TYW1: variants seen among roughly 807,000 people sequenced by gnomAD.
The protein encoded by TYW1 is tRNA-yW synthesizing protein 1 homolog.
TYW1 carries 46 observed loss-of-function variants against 96.2 expected under a neutral mutation model. The ratio of observed to expected loss-of-function variants is 0.48; its 90% CI spans 0.38 to 0.61. The LOEUF (loss-of-function observed/expected upper bound fraction) is 0.61, where lower values mean the gene tolerates loss of function less well. Ranked by LOEUF, TYW1 falls within the 20% of genes least tolerant of loss-of-function variation. The pLI is 0.00. For synonymous variants in TYW1, 274 were observed against 323.0 expected (o/e 0.85, Z 1.63); for missense variants, 684 against 909.6 (o/e 0.75, Z 3.19).
chr7:67,073,826 T>G (rs189684903), intron 10 of TYW1, among the ~76,000 whole-genome samples: 399 of 123,632 alleles, frequency 3.2e-3, no homozygotes, highest in African/African-American at 0.012. Context: ...CTCACGCCCA[T>G]AATCCCAGCA....
At chr7:67,019,495 G>C (rs574973581) in intron 6 of TYW1, among the ~76,000 whole-genome samples, 1 of 149,278 alleles carries the variant, frequency 6.7e-6, no homozygotes, top group Non-Finnish European at 1.5e-5. Context: ...ACCATGCCCA[G>C]ACCGTTTTGT....
In TYW1 at chr7:67,197,186, T is replaced by G. The variant is rs193180158; in HGVS notation, c.1977+1849T>G. 2.0e-5 allele frequency among the ~76,000 whole-genome samples: 3 copies of G among 152,354 alleles called. No individual in the cohort carries two copies. In the East Asian group the frequency reaches 5.8e-4, roughly 29 times the overall value. ...CACAGCACCTGGCTCATAGCATGAT[T>G]CAGTTATTGCTGCTTCAGTTATTTT... On this transcript the variant is annotated intron_variant, in intron 15 of 15. Transcript: ENST00000359626.
chr7:67,046,348 C>T (rs546701428), intron 7 of TYW1, among the ~76,000 whole-genome samples: 7 of 152,152 alleles, frequency 4.6e-5, no homozygotes, highest in South Asian at 2.1e-4. Flanking sequence ...CATCTGTGCT[C>T]GAGTTACCTG....
chr7:67,213,432 A>G (rs1801105121), intron 15 of TYW1, among the ~76,000 whole-genome samples: 1 of 152,138 alleles, frequency 6.6e-6, no homozygotes, highest in Non-Finnish European at 1.5e-5. Flanking sequence ...TTTGGATGCA[A>G]ATTGTTTAGC....
At position 67,014,356 on chromosome 7, in the gene TYW1, T is replaced by C; in HGVS notation, c.376-11T>C. 6.3e-7 allele frequency: 1 copy of C among 1,581,860 alleles called. No homozygotes were observed. Among genetic ancestry groups the C allele is most frequent in the South Asian group, 1.2e-5 (1 of 86,362 alleles). On this transcript the variant is annotated splice_polypyrimidine_tract_variant and intron_variant, in intron 4 of 15. Transcript: ENST00000359626. ...TGTATGTTCCACTGAAACAATTACT[T>C]TCTTGGTTAGGTGACTAGTAAAAAT...
At chr7:67,105,641 G>GC (rs1009215888) in intron 12 of TYW1, among the ~76,000 whole-genome samples, 29 of 152,292 alleles carry the variant, frequency 1.9e-4, no homozygotes, top group African/African-American at 5.8e-4. Context: ...TGTTTCTTCA[G>GC]CCCTGAGGCT....
At chr7:67,006,764 A>C (rs1793608966) in intron 3 of TYW1, among the ~76,000 whole-genome samples, 1 of 151,836 alleles carries the variant, frequency 6.6e-6, no homozygotes, top group Admixed American at 6.6e-5. Context: ...TAGCAATGCA[A>C]GAATGGACTA....
intron 8 of TYW1, among the ~76,000 whole-genome samples, chr7:67,052,135 T>C (rs1425242552): frequency 1.3e-5 from 2 of 152,202 alleles, no homozygotes; most frequent in African/African-American, 4.8e-5. Context: ...AGTTTAGTTT[T>C]CTTCATGTTT....
intron 6 of TYW1, among the ~76,000 whole-genome samples, chr7:67,018,617 G>A (rs1794108833): frequency 6.6e-6 from 1 of 151,902 alleles, no homozygotes; most frequent in African/African-American, 2.4e-5. Context: ...GAGAGAGAGA[G>A]AGGCCTTAGG....
intron 11 of TYW1, among the ~76,000 whole-genome samples, chr7:67,087,261 T>C (rs1174332518): frequency 6.6e-6 from 1 of 152,210 alleles, no homozygotes; most frequent in Non-Finnish European, 1.5e-5. Context: ...CTGGGCCTGT[T>C]GAGGGTCCTG....
At chr7:67,107,222 T>C (rs893177270) in intron 12 of TYW1, among the ~76,000 whole-genome samples, 2 of 152,256 alleles carry the variant, frequency 1.3e-5, no homozygotes, top group Admixed American at 6.5e-5. Flanking sequence ...TGCCTGATTC[T>C]TTTAATAGAA....
chr7:67,090,781 CTCTT>C (rs1015452910), intron 11 of TYW1, among the ~76,000 whole-genome samples: 23 of 152,250 alleles, frequency 1.5e-4, no homozygotes, highest in African/African-American at 4.8e-4. Flanking sequence ...CTCATGTGGA[CTCTT>C]TCTTTCTTCT....
chr7:67,025,366 T>A (rs1229755259), intron 7 of TYW1, among the ~76,000 whole-genome samples: 1 of 148,776 alleles, frequency 6.7e-6, no homozygotes, highest in Admixed American at 6.7e-5. Context: ...GCTGATGAGC[T>A]AAAAAAAAAA....
At chr7:67,235,735 C>CA (rs905785905) in intron 15 of TYW1, among the ~76,000 whole-genome samples, 10 of 150,346 alleles carry the variant, frequency 6.7e-5, no homozygotes, top group South Asian at 2.1e-4. Flanking sequence ...ACTGAAAATA[C>CA]AAAAAAAAAT....
intron 7 of TYW1, among the ~76,000 whole-genome samples, chr7:67,026,696 A>ATTTTTT (rs961673660): frequency 2.1e-5 from 3 of 145,030 alleles, no homozygotes; most frequent in Non-Finnish European, 4.6e-5. Flanking sequence ...AGGTCTGCCT[A>ATTTTTT]TTTTTTTTTT....
At chr7:67,011,661 C>T (rs1793800829) in intron 4 of TYW1, among the ~76,000 whole-genome samples, 2 of 151,966 alleles carry the variant, frequency 1.3e-5, no homozygotes, top group South Asian at 2.1e-4. Flanking sequence ...CACCTGAGGT[C>T]AGGAGTTCGA....
At chr7:67,135,346 C>T (rs1286671078) in intron 13 of TYW1, among the ~76,000 whole-genome samples, 1 of 130,056 alleles carries the variant, frequency 7.7e-6, no homozygotes, top group Non-Finnish European at 1.6e-5. Flanking sequence ...ACTCTGTCAC[C>T]CAGGCTGGAG....
rs1793719610 is a variant in TYW1 at position 67,009,569 on chromosome 7, T to C, written c.274-14T>C. On this transcript the variant is annotated splice_polypyrimidine_tract_variant and intron_variant, in intron 3 of 15. Transcript: ENST00000359626. Reference sequence around the variant, plus strand: ...ATTGAAGACTTTATTTGATGTTTTTTTTGGTCCTATTAGGGATTCGCAACA... The same window carrying C: ...ATTGAAGACTTTATTTGATGTTTTTCTTGGTCCTATTAGGGATTCGCAACA... The C allele has an allele frequency of 6.2e-7, 1 of 1,607,280 alleles. No homozygotes were observed.
chr7:67,052,869 C>T (rs1449222620), intron 8 of TYW1, among the ~76,000 whole-genome samples: 1 of 151,922 alleles, frequency 6.6e-6, no homozygotes, highest in Non-Finnish European at 1.5e-5. Context: ...CCTGCCTCAG[C>T]CTCCTGAGTA....
Sources: gnomAD v4.1 joint callset for allele counts (sites outside exome capture counted in the v4.1 genomes callset) on GRCh38, gnomAD v4.1.1 for gene constraint, MANE v1.5 for transcripts, NCBI Gene and HGNC (gene_info 2026-07-23, HGNC 2026-07-21) for gene names.